The following UBE2L3 variants were observed in gnomAD, a reference collection of about 807,000 sequenced individuals.
The protein encoded by UBE2L3 is ubiquitin-conjugating enzyme E2 L3.
A neutral mutation model predicts 17.8 loss-of-function variants in UBE2L3; 1 was observed. That is an observed-to-expected ratio of 0.06 (90% confidence interval 0.02 to 0.27). The LOEUF is 0.27. Among genes scored for constraint, UBE2L3 ranks in the 10% least tolerant of loss-of-function variants. The pLI is 1.00. For missense variants in UBE2L3, 40 were observed against 192.6 expected (o/e 0.21, Z 4.69); for synonymous variants, 44 against 68.5 (o/e 0.64, Z 1.76).
chr22:21,590,938 T>G (rs544502280), intron 1 of UBE2L3, among the ~76,000 whole-genome samples: 13 of 152,356 alleles, frequency 8.5e-5, no homozygotes, highest in African/African-American at 3.1e-4. Flanking sequence ...GGACCAGGGC[T>G]TCCTGATCCC....
intron 1 of UBE2L3, 132 bp from the exon 2 acceptor site, chr22:21,592,729 A>G (rs1928330765): frequency 1.4e-6 from 1 of 717,810 alleles, no homozygotes. Flanking sequence ...CTCCAAGCAC[A>G]GTTTAGTCCT....
chr22:21,594,422 A>G (rs1001061234), intron 2 of UBE2L3, among the ~76,000 whole-genome samples: 1 of 150,754 alleles, frequency 6.6e-6, no homozygotes, highest in Non-Finnish European at 1.5e-5. Flanking sequence ...CCTCCTGTAG[A>G]TGCTTTCTTC....
At chr22:21,578,695 T>C (rs1465629744) in intron 1 of UBE2L3, among the ~76,000 whole-genome samples, 1 of 152,182 alleles carries the variant, frequency 6.6e-6, no homozygotes, top group Non-Finnish European at 1.5e-5. Flanking sequence ...GCTTTGGCCA[T>C]GCTTCCCCCA....
At chr22:21,562,529 G>A (rs1267370417) in intron 1 of UBE2L3, among the ~76,000 whole-genome samples, 1 of 151,686 alleles carries the variant, frequency 6.6e-6, no homozygotes, top group Non-Finnish European at 1.5e-5. Flanking sequence ...CCGCCACCAC[G>A]CCCAGATAAT....
chr22:21,601,318 G>A (rs1928846389), intron 2 of UBE2L3, among the ~76,000 whole-genome samples: 1 of 150,506 alleles, frequency 6.6e-6, no homozygotes, highest in Non-Finnish European at 1.5e-5. Context: ...GGGTTTTTTT[G>A]TTTTTTTGTT....
intron 1 of UBE2L3, among the ~76,000 whole-genome samples, chr22:21,570,589 G>C (rs544824851): frequency 3.9e-5 from 6 of 152,174 alleles, no homozygotes; most frequent in African/African-American, 9.7e-5. Flanking sequence ...CTCAAAGGCT[G>C]CATGGAGCGG....
At chr22:21,617,793 A>G (rs1929851953) in intron 3 of UBE2L3, among the ~76,000 whole-genome samples, 1 of 152,224 alleles carries the variant, frequency 6.6e-6, no homozygotes, top group African/African-American at 2.4e-5. Flanking sequence ...GCTCAGCTGA[A>G]GTTTATTATA....
At chr22:21,560,262 G>A (rs1206658168) in intron 1 of UBE2L3, among the ~76,000 whole-genome samples, 10 of 152,130 alleles carry the variant, frequency 6.6e-5, no homozygotes, top group Non-Finnish European at 1.5e-4. Flanking sequence ...TGCTTGCAGG[G>A]TCTTGCCCTC....
chr22:21,605,771 G>A (rs1292330151), intron 2 of UBE2L3, among the ~76,000 whole-genome samples: 1 of 152,234 alleles, frequency 6.6e-6, no homozygotes, highest in Non-Finnish European at 1.5e-5. Flanking sequence ...CTCCCAAAGT[G>A]TTGGGATTAC....
chr22:21,607,261 C>T (rs1568985526), intron 2 of UBE2L3, among the ~76,000 whole-genome samples: 1 of 151,846 alleles, frequency 6.6e-6, no homozygotes, highest in African/African-American at 2.4e-5. Flanking sequence ...AATCCCAACA[C>T]TTTGGGAGGC....
intron 3 of UBE2L3, among the ~76,000 whole-genome samples, chr22:21,615,643 C>T (rs1185992628): frequency 6.6e-6 from 1 of 152,070 alleles, no homozygotes; most frequent in Admixed American, 6.6e-5. Flanking sequence ...GTAGTTGAGC[C>T]TCATTGTTCA....
At chr22:21,567,707 G>A (rs1405251562), upstream of UBE2L3, 9 of 1,568,978 alleles carry the variant, frequency 5.7e-6, no homozygotes. Context: ...CCGGCCGGCC[G>A]CGATGCATTC....
chr22:21,574,156 C>T (rs1206211681), intron 1 of UBE2L3, among the ~76,000 whole-genome samples: 1 of 152,140 alleles, frequency 6.6e-6, no homozygotes, highest in Non-Finnish European at 1.5e-5. Flanking sequence ...ATAAATAAGC[C>T]TAACCTCCCC....
At chr22:21,599,986 A>G (rs1382593840) in intron 2 of UBE2L3, among the ~76,000 whole-genome samples, 2 of 152,224 alleles carry the variant, frequency 1.3e-5, no homozygotes, top group Non-Finnish European at 2.9e-5. Flanking sequence ...TATGAACATT[A>G]TGAAATGAAA....
At chr22:21,608,724 C>A (rs537221455) in intron 2 of UBE2L3, among the ~76,000 whole-genome samples, 2 of 151,018 alleles carry the variant, frequency 1.3e-5, no homozygotes, top group South Asian at 4.2e-4. Context: ...TGAGCCTGGC[C>A]CAGGCTAATA....
At chr22:21,615,881 C>A (rs994281116) in intron 3 of UBE2L3, among the ~76,000 whole-genome samples, 7 of 152,190 alleles carry the variant, frequency 4.6e-5, no homozygotes, top group Non-Finnish European at 8.8e-5. Flanking sequence ...TGCCAAACTT[C>A]TTGGATTTTG....
At chr22:21,555,803 A>G (rs1446312621) in intron 1 of UBE2L3, among the ~76,000 whole-genome samples, 15 of 140,890 alleles carry the variant, frequency 1.1e-4, no homozygotes, top group Middle Eastern at 5.4e-3. Context: ...ATGGTGGCAC[A>G]CGCCTGTAAT....
rs556203445 is a variant in UBE2L3 at position 21,569,527 on chromosome 22, G to A, written c.27+1756G>A. ...CTCTCCTCCCCAGACTACCCCTGACGGACACCAGAGTTCTTTTAAAGCAGA... is the reference window on the plus strand; with the variant it reads ...CTCTCCTCCCCAGACTACCCCTGACAGACACCAGAGTTCTTTTAAAGCAGA... On this transcript the variant is annotated intron_variant, in intron 1 of 3. Coordinates refer to ENST00000342192, the MANE Select transcript of UBE2L3 (RefSeq NM_003347.4). Among the ~76,000 whole-genome samples, 6 of 152,056 alleles carry A rather than the reference G, an allele frequency of 3.9e-5. No individual in the cohort carries two copies. In the South Asian group the frequency reaches 8.3e-4, roughly 21 times the overall value.
intron 1 of UBE2L3, among the ~76,000 whole-genome samples, chr22:21,590,353 A>G (rs545325091): frequency 2.0e-5 from 3 of 152,052 alleles, no homozygotes; most frequent in Non-Finnish European, 4.4e-5. Flanking sequence ...GCCCACCACC[A>G]CACCCGGCTG....
Sources: allele counts gnomAD v4.1 joint callset (sites outside exome capture counted in the v4.1 genomes callset), GRCh38; gene constraint gnomAD v4.1.1; transcripts MANE v1.5; gene names NCBI Gene and HGNC (gene_info 2026-07-23, HGNC 2026-07-21).